The following PCM1 variants were observed in gnomAD, a reference collection of about 807,000 sequenced individuals.
PCM1 encodes pericentriolar material 1.
In PCM1, 157 loss-of-function variants were observed where a neutral mutation model predicts 241.9. That is an observed-to-expected ratio of 0.65 (90% CI 0.57 to 0.74). The LOEUF is 0.74. Among genes scored for constraint, PCM1 ranks in the 30% least tolerant of loss-of-function variants. PCM1 has a pLI of 0.00. For missense variants in PCM1, 3,478 were observed against 2,360.1 expected, an observed-to-expected ratio of 1.47 and a Z score of -9.81; for synonymous variants, 1,085 against 784.9, an observed-to-expected ratio of 1.38 and a Z score of -6.39.
At position 18,029,337 on chromosome 8, in the gene PCM1, T is replaced by C. The variant is rs1588938966; in HGVS notation, c.*1675T>C. ...TATTCAGAAAATTACCAATTCAGAA[T>C]TCGGAGTTCTTATCCAGGTGCTCTA... is the stretch of plus-strand genomic sequence containing the variant. On this transcript the variant is annotated 3_prime_UTR_variant, in exon 39 of 39. Coordinates refer to ENST00000325083, the MANE Select transcript of PCM1 (RefSeq NM_006197.4). 1 of 210,826 alleles carries C rather than the reference T, an allele frequency of 4.7e-6. No homozygotes were observed. The highest frequency in any genetic ancestry group is 5.9e-5 in the Admixed American group (1 of 16,990). The allele number at this position is 210,826 out of a possible 1,614,324, so 13.1% of individuals were successfully genotyped here. A position where few individuals can be genotyped will look rare whatever the true frequency, so the allele number is the denominator to read the frequency against.
intron 2 of PCM1, among the ~76,000 whole-genome samples, chr8:17,933,758 T>C (rs1179866499): frequency 2.6e-5 from 4 of 152,168 alleles, no homozygotes; most frequent in Non-Finnish European, 4.4e-5. Flanking sequence ...TACCACCTTT[T>C]CTCTTTTCAG....
chr8:17,997,907 G>A (rs1359655378), intron 29 of PCM1, among the ~76,000 whole-genome samples: 9 of 151,216 alleles, frequency 6.0e-5, no homozygotes, highest in East Asian at 5.8e-4. Context: ...ATGGTGGTGC[G>A]CACCTATAAT....
At chr8:17,957,822 G>C in intron 13 of PCM1, 47 bp downstream of exon 13, 3 of 1,255,312 alleles carry the variant, frequency 2.4e-6, no homozygotes, top group Non-Finnish European at 3.4e-6. Flanking sequence ...AAATAGTACA[G>C]TCTTAAGTAA....
intron 36 of PCM1, among the ~76,000 whole-genome samples, chr8:18,021,099 G>GT (rs2093714122): frequency 6.6e-6 from 1 of 152,164 alleles, no homozygotes; most frequent in South Asian, 2.1e-4. Flanking sequence ...AATTTGTTCA[G>GT]TAAACAATGC....
chr8:17,967,494 G>T (rs980712867), intron 21 of PCM1, among the ~76,000 whole-genome samples: 1 of 150,980 alleles, frequency 6.6e-6, no homozygotes, highest in Non-Finnish European at 1.5e-5. Context: ...TTTTAGTAGA[G>T]ATGGGGTTTC....
chr8:17,933,101 A>G (rs891059773), intron 2 of PCM1, among the ~76,000 whole-genome samples: 1 of 152,228 alleles, frequency 6.6e-6, no homozygotes, highest in African/African-American at 2.4e-5. Flanking sequence ...AAATTGTTGT[A>G]TCAGTGCTCA....
In PCM1 at chr8:17,955,517, G is replaced by C; in HGVS notation, c.1336G>C (p.Ala446Pro). The change falls in exon 10 of 39, where the codon GCT becomes CCT. Residue 446 changes from alanine (A) to proline (P), a missense_variant. By Grantham distance (27) the Ala-to-Pro change is conservative (BLOSUM62 -1). Transcript: ENST00000325083. ...VDQRSTSAPSASVGLAPVVNG... is the reference protein window; with the variant it reads ...VDQRSTSAPSPSVGLAPVVNG... Reference sequence around the variant, plus strand: ...TCAGAGAAGTACTTCAGCTCCCTCTGCTTCTGTAGGCTTGGCACCGGTTGT... The same window carrying C: ...TCAGAGAAGTACTTCAGCTCCCTCTCCTTCTGTAGGCTTGGCACCGGTTGT... 1 of 1,613,688 alleles carries C rather than the reference G, an allele frequency of 6.2e-7. No homozygotes were observed. The highest frequency in any genetic ancestry group is 8.5e-7 in the Non-Finnish European group (1 of 1,179,754).
intron 36 of PCM1, among the ~76,000 whole-genome samples, chr8:18,024,576 A>G (rs563992258): frequency 1.3e-3 from 192 of 152,302 alleles, no homozygotes; most frequent in Admixed American, 2.4e-3. Context: ...CATAGAAGAC[A>G]TTTAATTGAA....
At chr8:17,995,325 A>C (rs762852257) in intron 29 of PCM1, among the ~76,000 whole-genome samples, 3 of 151,178 alleles carry the variant, frequency 2.0e-5, no homozygotes, top group Non-Finnish European at 4.4e-5. Context: ...CTTTGTTGAA[A>C]ATGAGTTTAT....
At chr8:17,993,263 A>G (rs1007780929) in intron 28 of PCM1, among the ~76,000 whole-genome samples, 1 of 152,034 alleles carries the variant, frequency 6.6e-6, no homozygotes, top group Non-Finnish European at 1.5e-5. Context: ...ATTACAAGTA[A>G]TAATAATTCT....
At chr8:17,980,506 C>G in intron 23 of PCM1, 85 bp from the exon 24 acceptor site, 1 of 1,054,680 alleles carries the variant, frequency 9.5e-7, no homozygotes, top group Admixed American at 2.4e-5. Flanking sequence ...ATTGAGTTAC[C>G]TGTACTGTTA....
chr8:17,992,610 CTTT>C (rs71545503), intron 28 of PCM1, among the ~76,000 whole-genome samples: 2 of 128,424 alleles, frequency 1.6e-5, no homozygotes, highest in Non-Finnish European at 1.6e-5. Context: ...ACTACTACTA[CTTT>C]TTTTTTTTTT....
chr8:18,002,044 A>G (rs1397151020), intron 29 of PCM1, among the ~76,000 whole-genome samples: 2 of 9,694 alleles, frequency 2.1e-4, no homozygotes, highest in Non-Finnish European at 4.2e-4. Flanking sequence ...TTGTGGAGAG[A>G]TCTGTTAAAT....
intron 16 of PCM1, 84 bp from the exon 17 acceptor site, chr8:17,963,017 A>G: frequency 1.1e-6 from 1 of 895,518 alleles, no homozygotes; most frequent in East Asian, 2.7e-5. Flanking sequence ...CTTTGTTGAT[A>G]CTGACAATAC....
chr8:17,998,769 G>A (rs978276162), intron 29 of PCM1, among the ~76,000 whole-genome samples: 1 of 152,290 alleles, frequency 6.6e-6, no homozygotes, highest in African/African-American at 2.4e-5. Context: ...CTTCAGGGCA[G>A]TGAGTTCCCC....
At position 17,972,456 on chromosome 8, in the gene PCM1, A is replaced by G; in HGVS notation, c.3712A>G (p.Ser1238Gly). 4 of 1,613,666 alleles carry G rather than the reference A, an allele frequency of 2.5e-6. No individual in the cohort carries two copies. Among genetic ancestry groups the G allele is most frequent in the Non-Finnish European group, 3.4e-6 (4 of 1,179,730 alleles). ...FSVSVEKSTSSNRKNQLDTNG... is the reference protein window; with the variant it reads ...FSVSVEKSTSGNRKNQLDTNG... ...AGTGTCTGTAGAAAAATCTACAAGT[A>G]GTAACCGCAAAAATCAATTAGATAC... The change falls in exon 23 of 39, where the codon AGT becomes GGT. Residue 1238 changes from serine (S) to glycine (G), a missense_variant. Physicochemically the swap from Ser to Gly is moderately conservative, Grantham distance 56 (BLOSUM62 0). Coordinates refer to ENST00000325083, the MANE Select transcript of PCM1 (RefSeq NM_006197.4).
chr8:17,947,403 C>T (rs938656425), intron 7 of PCM1, 40 bp downstream of exon 7: 5 of 1,393,856 alleles, frequency 3.6e-6, no homozygotes, highest in Non-Finnish European at 4.9e-6. Flanking sequence ...GTAAGGAAGA[C>T]TCATACATAA....
chr8:17,930,473 G>T (rs2058640718), intron 2 of PCM1, among the ~76,000 whole-genome samples: 1 of 152,084 alleles, frequency 6.6e-6, no homozygotes, highest in Non-Finnish European at 1.5e-5. Context: ...AAATTTAGAA[G>T]GCAGAGATTC....
intron 28 of PCM1, 84 bp from the exon 29 acceptor site, chr8:17,993,399 A>G: frequency 1.1e-6 from 1 of 904,288 alleles, no homozygotes; most frequent in Non-Finnish European, 1.6e-6. Context: ...ATCAAATTTA[A>G]TATTTTTCAA....
Sources: allele counts gnomAD v4.1 joint callset (sites outside exome capture counted in the v4.1 genomes callset), GRCh38; gene constraint gnomAD v4.1.1; transcripts MANE v1.5; gene names NCBI Gene and HGNC (gene_info 2026-07-23, HGNC 2026-07-21).